The following COG5 variants were observed in gnomAD, a reference collection of about 807,000 sequenced individuals.
COG5 encodes component of oligomeric golgi complex 5, also known as conserved oligomeric Golgi complex subunit 5.
In COG5, 86 loss-of-function variants were observed where a neutral mutation model predicts 110.4. The observed-to-expected ratio is 0.78, with a 90% confidence interval of 0.65 to 0.93. The LOEUF (loss-of-function observed/expected upper bound fraction) is 0.93. COG5 is among the 40% of genes least tolerant of loss of function. The pLI, the probability that COG5 is intolerant of heterozygous loss-of-function variation, is 0.00. For synonymous variants in COG5, 360 were observed against 334.6 expected (o/e 1.08, Z -0.83); for missense variants, 1,077 against 987.0 (o/e 1.09, Z -1.22).
At chr7:107,472,174 T>C (rs977408873) in intron 6 of COG5, 3 of 152,042 alleles carry the variant, frequency 2.0e-5, no homozygotes, top group African/African-American at 7.2e-5. Context: ...AATACAAATA[T>C]TATGTACTGT....
chr7:107,548,848 GA>G (rs1802664325), intron 3 of COG5, among the ~76,000 whole-genome samples: 1 of 152,052 alleles, frequency 6.6e-6, no homozygotes, highest in African/African-American at 2.4e-5. Context: ...TCACAAATTG[GA>G]AAAATATTTC....
intron 7 of COG5, among the ~76,000 whole-genome samples, chr7:107,406,568 T>G (rs1027989143): frequency 6.6e-6 from 1 of 152,078 alleles, no homozygotes; most frequent in African/African-American, 2.4e-5. Flanking sequence ...ATAAAATATC[T>G]AATATATATT....
At chr7:107,460,612 A>C (rs1321568096) in intron 6 of COG5, among the ~76,000 whole-genome samples, 1 of 152,102 alleles carries the variant, frequency 6.6e-6, no homozygotes, top group African/African-American at 2.4e-5. Flanking sequence ...TAAAGAGTAG[A>C]AATCAATAAA....
Position 107,471,194 on chromosome 7 carries a change from G to A in COG5, c.538+56043C>T, listed in dbSNP as rs530983768. ...AACATAATATATACAATCTTTATTAGGAAAAAAGACTTATTTAAAGAAACA... is the reference window on the plus strand; with the variant it reads ...AACATAATATATACAATCTTTATTAAGAAAAAAGACTTATTTAAAGAAACA... On this transcript the variant is annotated intron_variant, in intron 6 of 21. Coordinates refer to ENST00000297135, the MANE Select transcript of COG5 (RefSeq NM_006348.5). 1.3e-3 allele frequency among the ~76,000 whole-genome samples: 191 copies of A among 151,844 alleles called. 2 individuals carry two copies. Among genetic ancestry groups the A allele is most frequent in the African/African-American group, 4.4e-3 (182 of 41,436 alleles).
chr7:107,346,505 T>C (rs997275280), intron 10 of COG5, among the ~76,000 whole-genome samples: 1 of 152,180 alleles, frequency 6.6e-6, no homozygotes, highest in Non-Finnish European at 1.5e-5. Context: ...TAGATATTAC[T>C]TTTCTCTATG....
chr7:107,518,739 T>C (rs1339787438), intron 6 of COG5, among the ~76,000 whole-genome samples: 2 of 152,092 alleles, frequency 1.3e-5, no homozygotes, highest in Non-Finnish European at 1.5e-5. Context: ...CTGTCAACAT[T>C]AGACAGATCA....
At chr7:107,315,180 A>G (rs1005435069) in intron 11 of COG5, among the ~76,000 whole-genome samples, 2 of 151,216 alleles carry the variant, frequency 1.3e-5, no homozygotes, top group African/African-American at 4.9e-5. Flanking sequence ...TTTAAAGAAC[A>G]TACATTCTCA....
At chr7:107,273,164 A>G (rs960831165) in intron 14 of COG5, among the ~76,000 whole-genome samples, 2 of 152,124 alleles carry the variant, frequency 1.3e-5, no homozygotes, top group East Asian at 3.9e-4. Flanking sequence ...CTGCAGATGT[A>G]GTTCTTGAGC....
intron 6 of COG5, among the ~76,000 whole-genome samples, chr7:107,458,278 T>C (rs1431795864): frequency 1.3e-5 from 2 of 152,130 alleles, no homozygotes; most frequent in Non-Finnish European, 2.9e-5. Flanking sequence ...CCAGAAGGTA[T>C]CCCTGATGTA....
At chr7:107,481,904 TCC>T (rs918632046) in intron 6 of COG5, among the ~76,000 whole-genome samples, 1 of 152,094 alleles carries the variant, frequency 6.6e-6, no homozygotes, top group African/African-American at 2.4e-5. Context: ...TTATAATGCC[TCC>T]CAAAAAAGTA....
intron 11 of COG5, among the ~76,000 whole-genome samples, chr7:107,321,653 C>T (rs1156297213): frequency 6.6e-6 from 1 of 152,032 alleles, no homozygotes; most frequent in East Asian, 1.9e-4. Context: ...ACAAAAGTTT[C>T]CAAGAAGTCA....
intron 6 of COG5, among the ~76,000 whole-genome samples, chr7:107,423,841 C>G (rs1014320621): frequency 2.0e-5 from 3 of 151,890 alleles, no homozygotes; most frequent in Admixed American, 6.6e-5. Flanking sequence ...TACTATGAAC[C>G]CTTTAACAAC....
intron 14 of COG5, among the ~76,000 whole-genome samples, chr7:107,259,425 C>T (rs1803146270): frequency 6.6e-6 from 1 of 152,012 alleles, no homozygotes; most frequent in Admixed American, 6.6e-5. Flanking sequence ...CCAACTTAAT[C>T]AATAATGTGG....
At chr7:107,560,578 A>G (rs555327628) in intron 1 of COG5, among the ~76,000 whole-genome samples, 18 of 152,338 alleles carry the variant, frequency 1.2e-4, no homozygotes, top group African/African-American at 4.1e-4. Flanking sequence ...AGGAATTCAT[A>G]ATTTACAAGG....
At chr7:107,365,883 C>T (rs765129965) in intron 8 of COG5, among the ~76,000 whole-genome samples, 2 of 152,058 alleles carry the variant, frequency 1.3e-5, no homozygotes, top group Non-Finnish European at 2.9e-5. Context: ...AGACAACAAA[C>T]CTAAATTAAA....
intron 11 of COG5, among the ~76,000 whole-genome samples, chr7:107,319,467 A>AT (rs1584671917): frequency 1.3e-5 from 2 of 152,174 alleles, no homozygotes; most frequent in Admixed American, 6.5e-5. Flanking sequence ...ATTGATTCCC[A>AT]TTTTTTTGTG....
intron 6 of COG5, among the ~76,000 whole-genome samples, chr7:107,485,856 G>A (rs1797627356): frequency 2.0e-5 from 3 of 152,012 alleles, no homozygotes; most frequent in African/African-American, 4.8e-5. Context: ...GAGCAATTGG[G>A]CTCAAAGGAA....
intron 7 of COG5, among the ~76,000 whole-genome samples, chr7:107,403,066 C>A (rs1006479670): frequency 6.6e-6 from 1 of 151,860 alleles, no homozygotes; most frequent in East Asian, 1.9e-4. Context: ...CAAATAAATA[C>A]AAAACACTTA....
chr7:107,314,137 C>G (rs973162874), intron 11 of COG5, among the ~76,000 whole-genome samples: 2 of 152,054 alleles, frequency 1.3e-5, no homozygotes, highest in Admixed American at 1.3e-4. Context: ...AGAAGTCACA[C>G]AGGAGACACG....
Sources: allele counts gnomAD v4.1 joint callset (sites outside exome capture counted in the v4.1 genomes callset), GRCh38; gene constraint gnomAD v4.1.1; transcripts MANE v1.5; gene names NCBI Gene and HGNC (gene_info 2026-07-23, HGNC 2026-07-21).